GALNT13: variants seen among roughly 807,000 people sequenced by gnomAD.
GALNT13 encodes UDP-GalNAc:polypeptide N-acetylgalactosaminyltransferase 13.
A neutral mutation model predicts 64.2 loss-of-function variants in GALNT13; 28 were observed. The ratio of observed to expected loss-of-function variants is 0.44; its 90% CI spans 0.32 to 0.60. The LOEUF (loss-of-function observed/expected upper bound fraction) is 0.60. Ranked by LOEUF, GALNT13 falls within the 20% of genes least tolerant of loss-of-function variation. The pLI, the probability that GALNT13 is intolerant of heterozygous loss-of-function variation, is 0.05. For synonymous variants in GALNT13, 214 were observed against 224.6 expected, an observed-to-expected ratio of 0.95 and a Z score of 0.42; for missense variants, 577 against 669.8, an observed-to-expected ratio of 0.86 and a Z score of 1.53.
chr2:153,656,010 T>C, the GALNT13 span, among the ~76,000 whole-genome samples: 1 of 152,272 alleles, frequency 6.6e-6, no homozygotes, highest in Middle Eastern at 3.4e-3. Context: ...CTCTTTATCA[T>C]TTGAAAGCTT....
chr2:154,255,236 A>G (rs77740255), intron 7 of GALNT13, among the ~76,000 whole-genome samples: 3,340 of 152,256 alleles, frequency 0.022, 91 homozygotes, highest in African/African-American at 0.068. Flanking sequence ...TTGGAGTTCA[A>G]AATCAATGGG....
intron 3 of GALNT13, among the ~76,000 whole-genome samples, chr2:154,031,714 A>C (rs1698350801): frequency 6.6e-6 from 1 of 152,004 alleles, no homozygotes; most frequent in Non-Finnish European, 1.5e-5. Flanking sequence ...GTCCCAAAAA[A>C]CTATTTAAAT....
the GALNT13 span, among the ~76,000 whole-genome samples, chr2:153,429,400 T>C: frequency 6.6e-6 from 1 of 152,348 alleles, no homozygotes; most frequent in East Asian, 1.9e-4. Flanking sequence ...TTGTCTATTA[T>C]TAAACATGTG....
At chr2:153,945,257 A>G (rs1045956046) in intron 3 of GALNT13, among the ~76,000 whole-genome samples, 2 of 152,188 alleles carry the variant, frequency 1.3e-5, no homozygotes, top group Admixed American at 6.5e-5. Context: ...TGTAAACATA[A>G]TAATTTGTAT....
chr2:153,199,098 G>A, the GALNT13 span, among the ~76,000 whole-genome samples: 55 of 152,348 alleles, frequency 3.6e-4, no homozygotes, highest in Non-Finnish European at 6.9e-4. Flanking sequence ...CCAAAAATGT[G>A]AGAATTTGAT....
chr2:153,625,079 A>T, the GALNT13 span, among the ~76,000 whole-genome samples: 3 of 152,110 alleles, frequency 2.0e-5, no homozygotes. Context: ...AAAATTAAGA[A>T]ATGAAATGAT....
the GALNT13 span, among the ~76,000 whole-genome samples, chr2:153,595,391 T>C: frequency 3.3e-5 from 5 of 151,814 alleles, no homozygotes; most frequent in African/African-American, 1.2e-4. Context: ...GTAAAGAAGA[T>C]ATCTATTAAA....
At chr2:153,939,531 A>G (rs185572586) in intron 2 of GALNT13, among the ~76,000 whole-genome samples, 14 of 152,312 alleles carry the variant, frequency 9.2e-5, no homozygotes, top group African/African-American at 3.1e-4. Flanking sequence ...GCATAGTTCA[A>G]TGAGTTTTCA....
At chr2:153,701,492 A>G in the GALNT13 span, among the ~76,000 whole-genome samples, 6 of 152,234 alleles carry the variant, frequency 3.9e-5, no homozygotes, top group Admixed American at 1.3e-4. Flanking sequence ...AAATTGACAA[A>G]TGGGATCTAA....
At chr2:154,163,774 G>A (rs1294394697) in intron 4 of GALNT13, among the ~76,000 whole-genome samples, 1 of 152,162 alleles carries the variant, frequency 6.6e-6, no homozygotes, top group African/African-American at 2.4e-5. Flanking sequence ...TTAAGTAGGA[G>A]CACATAGAAA....
chr2:153,115,025 C>T, the GALNT13 span, among the ~76,000 whole-genome samples: 2 of 152,148 alleles, frequency 1.3e-5, no homozygotes, highest in African/African-American at 4.8e-5. Context: ...TCATGGGCTT[C>T]TTGTGATAGC....
chr2:153,488,986 T>C, the GALNT13 span, among the ~76,000 whole-genome samples: 1 of 152,148 alleles, frequency 6.6e-6, no homozygotes, highest in African/African-American at 2.4e-5. Flanking sequence ...CTGTGATAAA[T>C]AAATTTCATT....
the GALNT13 span, among the ~76,000 whole-genome samples, chr2:153,418,924 C>T: frequency 6.6e-6 from 1 of 152,106 alleles, no homozygotes; most frequent in Non-Finnish European, 1.5e-5. Flanking sequence ...GAAAGAATTG[C>T]TGTGGAGTAG....
the GALNT13 span, among the ~76,000 whole-genome samples, chr2:153,170,491 A>G: frequency 6.6e-6 from 1 of 152,228 alleles, no homozygotes; most frequent in African/African-American, 2.4e-5. Flanking sequence ...TGTTATAGCC[A>G]AAGTCTGGAA....
the GALNT13 span, among the ~76,000 whole-genome samples, chr2:153,156,716 A>T: frequency 6.6e-6 from 1 of 152,160 alleles, no homozygotes; most frequent in Non-Finnish European, 1.5e-5. Context: ...CCCAGTCCTG[A>T]TGGTATTACT....
At chr2:153,383,459 A>G in the GALNT13 span, among the ~76,000 whole-genome samples, 2 of 152,072 alleles carry the variant, frequency 1.3e-5, no homozygotes, top group Non-Finnish European at 2.9e-5. Context: ...ATGTAAAGGT[A>G]TAAGTATGAA....
chr2:153,214,967 T>A, the GALNT13 span, among the ~76,000 whole-genome samples: 6 of 152,112 alleles, frequency 3.9e-5, no homozygotes, highest in African/African-American at 7.2e-5. Context: ...TTTGTGGTAG[T>A]GTTTACACAT....
chr2:154,410,990 G>C (rs979492074), intron 11 of GALNT13, among the ~76,000 whole-genome samples: 2 of 151,810 alleles, frequency 1.3e-5, no homozygotes, highest in Admixed American at 1.3e-4. Flanking sequence ...TCTTACTCCT[G>C]TTTTCATACC....
intron 4 of GALNT13, among the ~76,000 whole-genome samples, chr2:154,200,482 A>G (rs1234777937): frequency 1.3e-5 from 2 of 152,140 alleles, no homozygotes; most frequent in Non-Finnish European, 2.9e-5. Flanking sequence ...CTAATTTATA[A>G]ATAACAGAAA....
Sources: allele counts gnomAD v4.1 joint callset (sites outside exome capture counted in the v4.1 genomes callset), GRCh38; gene constraint gnomAD v4.1.1; transcripts MANE v1.5; gene names NCBI Gene and HGNC (gene_info 2026-07-23, HGNC 2026-07-21).